Variants in CLMP observed in about 807,000 individuals in gnomAD.
The protein encoded by CLMP is CXADR like cell adhesion molecule.
In CLMP, 27 loss-of-function variants were observed where a neutral mutation model predicts 45.2. The ratio of observed to expected loss-of-function variants is 0.60; its 90% CI spans 0.44 to 0.82. The LOEUF is 0.82. CLMP is among the 40% of genes least tolerant of loss of function. CLMP has a pLI of 0.00. For synonymous variants in CLMP, 167 were observed against 171.4 expected, an observed-to-expected ratio of 0.97 and a Z score of 0.20; for missense variants, 403 against 448.4, an observed-to-expected ratio of 0.90 and a Z score of 0.91.
Position 123,142,128 on chromosome 11 carries a change from G to A in CLMP, c.29-44176C>T, listed in dbSNP as rs191306759. Among the ~76,000 whole-genome samples the A allele has an allele frequency of 3.5e-4, 53 of 152,072 alleles. No individual in the cohort carries two copies. The East Asian group carries it at 7.9e-3, about 23-fold the overall frequency. ...GCCTCCTGAGTAGCTGGGAATACAG[G>A]TTCATGCCACTATACCTGACTAATT... On this transcript the variant is annotated intron_variant, in intron 1 of 6. Coordinates refer to ENST00000448775, the MANE Select transcript of CLMP (RefSeq NM_024769.5).
intron 2 of CLMP, among the ~76,000 whole-genome samples, chr11:123,088,380 G>A (rs1350782729): frequency 3.9e-5 from 6 of 152,176 alleles, no homozygotes; most frequent in African/African-American, 1.2e-4. Flanking sequence ...GATAAGGCAG[G>A]TAAGCTTGGA....
chr11:123,124,223 C>T (rs865892392), intron 1 of CLMP, among the ~76,000 whole-genome samples: 1 of 152,000 alleles, frequency 6.6e-6, no homozygotes, highest in Middle Eastern at 3.2e-3. Context: ...GCTATGTTCC[C>T]TAGGCTGGTC....
intron 1 of CLMP, among the ~76,000 whole-genome samples, chr11:123,162,818 C>T (rs535932847): frequency 3.0e-4 from 46 of 151,814 alleles, no homozygotes; most frequent in African/African-American, 5.3e-4. Flanking sequence ...AGGAGGATCA[C>T]TTGAGCCCGG....
intron 2 of CLMP, among the ~76,000 whole-genome samples, chr11:123,093,409 C>T (rs978839469): frequency 2.0e-5 from 3 of 151,828 alleles, no homozygotes; most frequent in Non-Finnish European, 4.4e-5. Flanking sequence ...TGCAGTGGTG[C>T]GATCTCGGCT....
chr11:123,136,091 C>T, intron 1 of CLMP: 2 of 611,058 alleles, frequency 3.3e-6, no homozygotes, highest in Non-Finnish European at 6.4e-6. Context: ...CAACTCTCTT[C>T]CAGTTAATCT....
intron 1 of CLMP, among the ~76,000 whole-genome samples, chr11:123,102,424 G>A (rs1470730077): frequency 6.9e-6 from 1 of 145,452 alleles, no homozygotes; most frequent in Admixed American, 7.0e-5. Context: ...GGGACTACAG[G>A]CATGTGCCAC....
intron 1 of CLMP, among the ~76,000 whole-genome samples, chr11:123,114,388 G>T (rs1860689896): frequency 6.6e-6 from 1 of 151,574 alleles, no homozygotes; most frequent in Admixed American, 6.6e-5. Flanking sequence ...GGGCAGAAGA[G>T]CCATGAAACA....
intron 1 of CLMP, among the ~76,000 whole-genome samples, chr11:123,151,051 T>C (rs1483813229): frequency 3.3e-5 from 5 of 152,180 alleles, no homozygotes; most frequent in Non-Finnish European, 7.3e-5. Flanking sequence ...GCCAGACTTG[T>C]TCATTCAACA....
intron 1 of CLMP, among the ~76,000 whole-genome samples, chr11:123,109,306 T>G (rs1294449356): frequency 3.9e-5 from 6 of 152,176 alleles, no homozygotes; most frequent in South Asian, 2.1e-4. Flanking sequence ...CAATGAACAA[T>G]TAACTGATTC....
At chr11:123,118,961 CTTTCTTTCTTTCTTTCTTTCTTTCTT>C (rs1860760315) in intron 1 of CLMP, among the ~76,000 whole-genome samples, 1 of 39,682 alleles carries the variant, frequency 2.5e-5, no homozygotes, top group Non-Finnish European at 4.9e-5. Flanking sequence ...TTCTTTCTTT[CTTTCTTTCTTTCTTTCTTTCTTTCTT>C]TCTTTCTTTC....
intron 2 of CLMP, among the ~76,000 whole-genome samples, chr11:123,097,267 G>A (rs536147679): frequency 2.0e-5 from 3 of 152,174 alleles, no homozygotes; most frequent in Non-Finnish European, 4.4e-5. Context: ...CTGGGCTCAA[G>A]TGATCCTCCC....
intron 5 of CLMP, among the ~76,000 whole-genome samples, chr11:123,077,100 G>A (rs1041766247): frequency 1.4e-5 from 2 of 147,454 alleles, no homozygotes; most frequent in Admixed American, 7.0e-5. Flanking sequence ...CCGGGTTCAA[G>A]TGATTCTCCT....
At chr11:123,075,101 G>A (rs1865721958) in intron 5 of CLMP, among the ~76,000 whole-genome samples, 1 of 151,858 alleles carries the variant, frequency 6.6e-6, no homozygotes, top group Admixed American at 6.6e-5. Flanking sequence ...GATCACAGGC[G>A]TGCACCACCA....
At chr11:123,124,691 A>C (rs997119902) in intron 1 of CLMP, among the ~76,000 whole-genome samples, 2 of 152,244 alleles carry the variant, frequency 1.3e-5, no homozygotes, top group African/African-American at 4.8e-5. Context: ...GGCATACAGC[A>C]GTGAACAAAA....
chr11:123,128,867 C>T lies in CLMP; in HGVS notation c.29-30915G>A, dbSNP rs543403049. Among the ~76,000 whole-genome samples, 77 of 152,090 alleles carry T rather than the reference C, an allele frequency of 5.1e-4. 1 individual carries two copies. Among genetic ancestry groups the T allele is most frequent in the African/African-American group, 1.8e-3 (74 of 41,460 alleles). On this transcript the variant is annotated intron_variant, in intron 1 of 6. Coordinates refer to ENST00000448775, the MANE Select transcript of CLMP (RefSeq NM_024769.5). Reference sequence around the variant, plus strand: ...TCTGTGAACAGCATCTTTTTTAATCCTTACACAACCCCATACAATAGGTAT... The same window carrying T: ...TCTGTGAACAGCATCTTTTTTAATCTTTACACAACCCCATACAATAGGTAT...
Position 123,073,578 on chromosome 11 carries a change from C to T in CLMP, c.1018G>A (p.Val340Met), listed in dbSNP as rs759226172. The change falls in exon 7 of 7, where the codon GTG becomes ATG. Residue 340 changes from valine to methionine, a missense_variant. Physicochemically the swap from Val to Met is conservative, Grantham distance 21. Coordinates refer to ENST00000448775, the MANE Select transcript of CLMP (RefSeq NM_024769.5). ...TQAYSLVGPE[V>M]RGSEPKKVHH... ...ACTTTCTTTGGTTCAGAACCTCTCA[C>T]CTCTGGCCCCACTAGGCTGTATGCC... The T allele has an allele frequency of 5.0e-6, 8 of 1,614,244 alleles. No homozygotes were observed. The highest frequency in any genetic ancestry group is 1.1e-5 in the South Asian group (1 of 91,090).
chr11:123,140,506 T>G (rs983118226), intron 1 of CLMP, among the ~76,000 whole-genome samples: 27 of 151,866 alleles, frequency 1.8e-4, no homozygotes, highest in African/African-American at 5.8e-4. Context: ...GATGACAATG[T>G]GGGGGGGTGT....
chr11:123,083,633 A>G (rs1865829055), intron 4 of CLMP, 47 bp downstream of exon 4: 2 of 1,586,986 alleles, frequency 1.3e-6, no homozygotes, highest in Non-Finnish European at 1.7e-6. Flanking sequence ...GCTCACGGAT[A>G]GAGGACTATT....
intron 1 of CLMP, among the ~76,000 whole-genome samples, chr11:123,172,598 C>T (rs963281314): frequency 2.0e-5 from 3 of 152,154 alleles, no homozygotes; most frequent in Non-Finnish European, 2.9e-5. Flanking sequence ...CCTCCCATCT[C>T]GGCCTCCCAT....
Sources: allele counts gnomAD v4.1 joint callset (sites outside exome capture counted in the v4.1 genomes callset), GRCh38; gene constraint gnomAD v4.1.1; transcripts MANE v1.5; gene names NCBI Gene and HGNC (gene_info 2026-07-23, HGNC 2026-07-21).